Variants in UMAD1 observed in about 807,000 individuals in gnomAD.
UMAD1 encodes UBAP1-MVB12-associated (UMA)-domain containing protein 1.
Under a neutral mutation model 6.1 loss-of-function variants are expected in UMAD1, and 8 were observed. That is an observed-to-expected ratio of 1.30 (90% confidence interval 0.76 to 2.35). UMAD1 has a LOEUF of 2.35. Ranked by LOEUF, UMAD1 falls within the 30% of genes most tolerant of loss-of-function variation. The pLI is 0.00. For synonymous variants in UMAD1, 56 were observed against 31.4 expected, an observed-to-expected ratio of 1.78 and a Z score of -2.61; for missense variants, 130 against 78.4, an observed-to-expected ratio of 1.66 and a Z score of -2.49.
intron 2 of UMAD1, among the ~76,000 whole-genome samples, chr7:7,714,859 T>C (rs1005931382): frequency 7.3e-5 from 11 of 150,400 alleles, no homozygotes; most frequent in Non-Finnish European, 7.4e-5. Flanking sequence ...TTTTCTTTTT[T>C]TTTTTTTTTT....
chr7:7,738,161 TTTCTTAAAGAAG>T (rs1371551741), intron 2 of UMAD1, among the ~76,000 whole-genome samples: 1 of 152,228 alleles, frequency 6.6e-6, no homozygotes, highest in Admixed American at 6.5e-5. Flanking sequence ...ATTAATTCCA[TTTCTTAAAGAAG>T]TTTAGTGTGA....
intron 1 of UMAD1, among the ~76,000 whole-genome samples, chr7:7,665,613 T>C (rs954936181): frequency 5.9e-5 from 9 of 152,190 alleles, no homozygotes; most frequent in African/African-American, 2.2e-4. Flanking sequence ...CAGTCACTGC[T>C]GTCAAGATAA....
At chr7:7,847,094 AAAAAAAAAAAAT>A (rs1783803581) in intron 3 of UMAD1, among the ~76,000 whole-genome samples, 3 of 42,702 alleles carry the variant, frequency 7.0e-5, no homozygotes, top group African/African-American at 1.7e-4. Context: ...ATGCAAAAAA[AAAAAAAAAAAAT>A]ATATATATAT....
intron 2 of UMAD1, among the ~76,000 whole-genome samples, chr7:7,777,891 A>G (rs1782252378): frequency 6.6e-6 from 1 of 152,126 alleles, no homozygotes; most frequent in South Asian, 2.1e-4. Context: ...ATTCAGTAAC[A>G]TATCTAACTC....
chr7:7,873,295 A>G (rs937742279), intron 3 of UMAD1, among the ~76,000 whole-genome samples: 25 of 152,192 alleles, frequency 1.6e-4, no homozygotes, highest in African/African-American at 6.0e-4. Flanking sequence ...AGGTGATCAA[A>G]GCCCCGGTGC....
At chr7:7,745,214 G>A (rs1781549204) in intron 2 of UMAD1, among the ~76,000 whole-genome samples, 1 of 152,162 alleles carries the variant, frequency 6.6e-6, no homozygotes, top group Non-Finnish European at 1.5e-5. Flanking sequence ...GTGAAGAGGA[G>A]GAGGAAGAGG....
chr7:7,861,967 A>G (rs185560276), intron 3 of UMAD1, among the ~76,000 whole-genome samples: 1 of 152,294 alleles, frequency 6.6e-6, no homozygotes, highest in African/African-American at 2.4e-5. Flanking sequence ...CAGCCTTAAC[A>G]TGAAATAACT....
intron 3 of UMAD1, among the ~76,000 whole-genome samples, chr7:7,862,001 C>T (rs369950668): frequency 6.6e-6 from 1 of 152,110 alleles, no homozygotes; most frequent in Non-Finnish European, 1.5e-5. Flanking sequence ...TTTGTCATAA[C>T]ATTTAATTAT....
intron 3 of UMAD1, among the ~76,000 whole-genome samples, chr7:7,864,757 T>C (rs1000460156): frequency 4.6e-5 from 7 of 151,870 alleles, no homozygotes; most frequent in Non-Finnish European, 1.0e-4. Flanking sequence ...CTCTTGGTGG[T>C]TTCTAGATGG....
At chr7:7,832,600 G>A (rs1783487873) in intron 3 of UMAD1, among the ~76,000 whole-genome samples, 1 of 152,162 alleles carries the variant, frequency 6.6e-6, no homozygotes, top group Non-Finnish European at 1.5e-5. Context: ...GCTTTTAATG[G>A]TGAGTTTAGT....
intron 1 of UMAD1, among the ~76,000 whole-genome samples, chr7:7,657,075 A>T (rs538572186): frequency 1.3e-5 from 2 of 152,196 alleles, no homozygotes; most frequent in South Asian, 4.1e-4. Flanking sequence ...AGTGATGATG[A>T]GCTTTTTTTC....
chr7:7,825,491 A>G (rs1050636781), intron 3 of UMAD1, among the ~76,000 whole-genome samples: 2 of 152,140 alleles, frequency 1.3e-5, no homozygotes, highest in African/African-American at 4.8e-5. Flanking sequence ...CACATCTTAC[A>G]TGGATGGCAG....
At chr7:7,861,235 G>T (rs562535846) in intron 3 of UMAD1, among the ~76,000 whole-genome samples, 1 of 152,156 alleles carries the variant, frequency 6.6e-6, no homozygotes, top group African/African-American at 2.4e-5. Flanking sequence ...TGGTTAAGAT[G>T]GTAAATTTTA....
At chr7:7,684,117 A>G (rs778484954) in intron 2 of UMAD1, among the ~76,000 whole-genome samples, 2 of 152,226 alleles carry the variant, frequency 1.3e-5, no homozygotes, top group Admixed American at 6.5e-5. Context: ...ACCTAATGCA[A>G]TGTAAATGCT....
At chr7:7,746,605 C>G (rs1052339983) in intron 2 of UMAD1, among the ~76,000 whole-genome samples, 3 of 152,194 alleles carry the variant, frequency 2.0e-5, no homozygotes, top group African/African-American at 4.8e-5. Context: ...AAAGTAGTTA[C>G]CAGAGCTACA....
At chr7:7,712,934 C>T (rs960765288) in intron 2 of UMAD1, among the ~76,000 whole-genome samples, 1 of 152,036 alleles carries the variant, frequency 6.6e-6, no homozygotes, top group African/African-American at 2.4e-5. Flanking sequence ...ATCTTGGCCT[C>T]GTGTTTCTTT....
chr7:7,805,443 A>G (rs1389768106), intron 3 of UMAD1, among the ~76,000 whole-genome samples: 1 of 152,100 alleles, frequency 6.6e-6, no homozygotes, highest in Non-Finnish European at 1.5e-5. Flanking sequence ...CTATATCCGG[A>G]ATGTGACTGC....
intron 3 of UMAD1, among the ~76,000 whole-genome samples, chr7:7,872,997 A>C (rs536137479): frequency 6.6e-6 from 1 of 152,298 alleles, no homozygotes; most frequent in East Asian, 1.9e-4. Flanking sequence ...TCTAAACCCA[A>C]ATGGGATCTG....
chr7:7,824,151 C>T lies in UMAD1; in HGVS notation c.156+22408C>T, dbSNP rs542151965. On this transcript the variant is annotated intron_variant, in intron 3 of 3. Transcript: ENST00000682710. ...AGAATCAGAGAGGAACCACTTGTAA[C>T]TTGCATGTCCTCATCCTTTGTCATC... is the stretch of plus-strand genomic sequence containing the variant. Among the ~76,000 whole-genome samples the T allele has an allele frequency of 4.5e-4, 69 of 152,240 alleles. No homozygotes were observed. The South Asian group carries it at 0.012, about 27-fold the overall frequency.
Sources: gnomAD v4.1 joint callset for allele counts (sites outside exome capture counted in the v4.1 genomes callset) on GRCh38, gnomAD v4.1.1 for gene constraint, MANE v1.5 for transcripts, NCBI Gene and HGNC (gene_info 2026-07-23, HGNC 2026-07-21) for gene names.